APIP: variants seen among roughly 807,000 people sequenced by gnomAD.
APIP encodes the protein methylthioribulose-1-phosphate dehydratase.
In APIP, 32 loss-of-function variants were observed where a neutral mutation model predicts 32.0. The ratio of observed to expected loss-of-function variants is 1.00; its 90% confidence interval spans 0.76 to 1.34. The LOEUF (loss-of-function observed/expected upper bound fraction) is 1.34. APIP is among the 40% of genes most tolerant of loss of function. The pLI is 0.00. For synonymous variants in APIP, 92 were observed against 94.8 expected (o/e 0.97, Z 0.17); for missense variants, 247 against 298.6 (o/e 0.83, Z 1.27).
chr11:34,903,093 C>T (rs1032732358), intron 1 of APIP, among the ~76,000 whole-genome samples: 3 of 152,250 alleles, frequency 2.0e-5, no homozygotes, highest in Non-Finnish European at 4.4e-5. Context: ...CCTTACATAT[C>T]AGGCCCTGCT....
At chr11:34,913,529 T>C (rs554954299) in intron 1 of APIP, among the ~76,000 whole-genome samples, 22 of 152,148 alleles carry the variant, frequency 1.4e-4, no homozygotes, top group Non-Finnish European at 2.8e-4. Flanking sequence ...TTCCTCCCGG[T>C]GGGTTCATGG....
intron 1 of APIP, chr11:34,896,862 G>A (rs2133912883): frequency 8.0e-7 from 1 of 1,253,942 alleles, no homozygotes; most frequent in African/African-American, 1.5e-5. Context: ...GCCACTAGAA[G>A]CATGAGACAA....
At chr11:34,888,153 G>A (rs1853109808) in intron 5 of APIP, 140 bp downstream of exon 5, 7 of 849,510 alleles carry the variant, frequency 8.2e-6, no homozygotes, top group Non-Finnish European at 1.2e-5. Flanking sequence ...AATAGGTCTA[G>A]AAGTGTAATA....
chr11:34,893,184 G>A (rs537555683), intron 2 of APIP, among the ~76,000 whole-genome samples: 50 of 152,284 alleles, frequency 3.3e-4, no homozygotes, highest in African/African-American at 1.1e-3. Flanking sequence ...GTAGTGCATG[G>A]ATTAGTAAAA....
At chr11:34,893,135 G>T (rs1853207418) in intron 2 of APIP, among the ~76,000 whole-genome samples, 1 of 152,144 alleles carries the variant, frequency 6.6e-6, no homozygotes, top group Non-Finnish European at 1.5e-5. Flanking sequence ...AATTTTAAAA[G>T]ATGCGCCAAT....
intron 5 of APIP, among the ~76,000 whole-genome samples, chr11:34,885,183 T>C (rs1364721248): frequency 2.0e-5 from 3 of 148,244 alleles, no homozygotes; most frequent in Non-Finnish European, 4.5e-5. Flanking sequence ...ACTATATATG[T>C]ATATATATAC....
At chr11:34,888,478 C>G in intron 4 of APIP, 50 bp from the exon 5 acceptor site, 3 of 1,575,138 alleles carry the variant, frequency 1.9e-6, no homozygotes, top group Non-Finnish European at 2.6e-6. Flanking sequence ...TGAATTATAG[C>G]TTTTAAAGAA....
intron 1 of APIP, among the ~76,000 whole-genome samples, chr11:34,901,790 G>A: frequency 6.6e-6 from 1 of 152,138 alleles, no homozygotes; most frequent in Middle Eastern, 3.2e-3. Flanking sequence ...TACAAGTGTG[G>A]GCAACTCAAG....
chr11:34,896,733 C>A, intron 1 of APIP: 1 of 1,238,176 alleles, frequency 8.1e-7, no homozygotes, highest in South Asian at 1.3e-5. Context: ...AAAGCAACAA[C>A]AACAACAACA....
intron 1 of APIP, chr11:34,896,654 TG>T: frequency 1.7e-6 from 1 of 590,508 alleles, no homozygotes; most frequent in Non-Finnish European, 2.7e-6. Flanking sequence ...CAAACCACCA[TG>T]GCACGTGTAT....
chr11:34,898,948 G>C (rs542916205), intron 1 of APIP, among the ~76,000 whole-genome samples: 1 of 152,026 alleles, frequency 6.6e-6, no homozygotes, highest in East Asian at 1.9e-4. Flanking sequence ...ACAGGCGCCC[G>C]CCACCGCGCC....
intron 1 of APIP, among the ~76,000 whole-genome samples, chr11:34,912,831 C>T (rs530774334): frequency 2.0e-5 from 3 of 152,296 alleles, no homozygotes; most frequent in Non-Finnish European, 4.4e-5. Flanking sequence ...ATAAACTTCC[C>T]TTTATATATA....
intron 5 of APIP, among the ~76,000 whole-genome samples, chr11:34,886,438 A>T (rs968965679): frequency 2.0e-5 from 3 of 146,428 alleles, no homozygotes; most frequent in African/African-American, 7.5e-5. Flanking sequence ...TCCAAAAGTT[A>T]AAAAAAAAAA....
rs779305490 is a variant in APIP, at chr11:34,888,832, T to C, written c.245A>G (p.Asp82Gly). 8.0e-6 allele frequency: 12 copies of C among 1,508,622 alleles called. No individual in the cohort carries two copies. The African/African-American group carries it at 1.8e-4, about 22-fold the overall frequency. The allele number at this position is 1,508,622 out of a possible 1,614,324, so 93.5% of individuals were successfully genotyped here. ...CTTCGATGGCGAAGGTCCACTTATGTCCTTTTCATTTATATCACAAACAAA... is the reference window on the plus strand; with the variant it reads ...CTTCGATGGCGAAGGTCCACTTATGCCCTTTTCATTTATATCACAAACAAA... ...DMFVCDINEKDISGPSPSKKL... is the reference protein window; with the variant it reads ...DMFVCDINEKGISGPSPSKKL... The change falls in exon 4 of 7, where the codon GAC becomes GGC. Residue 82 changes from aspartate to glycine, a missense_variant. Asp to Gly is a moderately conservative substitution (Grantham distance 94). Transcript: ENST00000395787.
chr11:34,908,520 C>T (rs1478771632), intron 1 of APIP, among the ~76,000 whole-genome samples: 2 of 152,190 alleles, frequency 1.3e-5, no homozygotes, highest in Non-Finnish European at 1.5e-5. Context: ...CTACCTTCAC[C>T]ACACTTAAAA....
intron 1 of APIP, among the ~76,000 whole-genome samples, chr11:34,907,540 G>T (rs2133921467): frequency 6.6e-6 from 1 of 152,244 alleles, no homozygotes; most frequent in South Asian, 2.1e-4. Context: ...CACTTAGCAG[G>T]CACCAACAGA....
intron 1 of APIP, among the ~76,000 whole-genome samples, chr11:34,904,035 C>T (rs2133918822): frequency 6.6e-6 from 1 of 152,280 alleles, no homozygotes; most frequent in African/African-American, 2.4e-5. Flanking sequence ...AAATGTGACT[C>T]CTTCCTCCTC....
chr11:34,887,644 C>T lies in APIP; in HGVS notation c.461+649G>A, dbSNP rs572910211. 1.8e-4 allele frequency among the ~76,000 whole-genome samples: 27 copies of T among 152,224 alleles called. No individual in the cohort carries two copies. The East Asian group carries it at 4.8e-3, about 27-fold the overall frequency. On this transcript the variant is annotated intron_variant, in intron 5 of 6. Transcript: ENST00000395787. ...CTTTAGGAAATTAAGAGTGAAGGTT[C>T]AGGAATGAGAATGCTAATAAACTCA...
chr11:34,915,598 G>A (rs183619128), intron 1 of APIP, among the ~76,000 whole-genome samples: 40 of 152,250 alleles, frequency 2.6e-4, no homozygotes, highest in Non-Finnish European at 4.7e-4. Flanking sequence ...GCGTGTAGAA[G>A]GCGCTCCATA....
Sources: gnomAD v4.1 joint callset for allele counts (sites outside exome capture counted in the v4.1 genomes callset) on GRCh38, gnomAD v4.1.1 for gene constraint, MANE v1.5 for transcripts, NCBI Gene and HGNC (gene_info 2026-07-23, HGNC 2026-07-21) for gene names.